The following MTHFD1L variants were observed in gnomAD, a reference collection of about 807,000 sequenced individuals.
MTHFD1L encodes the protein monofunctional C1-tetrahydrofolate synthase, mitochondrial.
A neutral mutation model predicts 119.5 loss-of-function variants in MTHFD1L; 81 were observed. That is an observed-to-expected ratio of 0.68 (90% CI 0.57 to 0.82). The LOEUF is 0.82. MTHFD1L is among the 40% of genes least tolerant of loss of function. MTHFD1L has a pLI of 0.00. For missense variants in MTHFD1L, 1,125 were observed against 1,253.4 expected (o/e 0.90, Z 1.55); for synonymous variants, 430 against 475.2 (o/e 0.90, Z 1.24).
At position 150,931,990 on chromosome 6, in the gene MTHFD1L, T is replaced by C. The variant is rs1295020952; in HGVS notation, c.1257-4814T>C. Among the ~76,000 whole-genome samples the C allele has an allele frequency of 6.6e-5, 10 of 151,396 alleles. No homozygotes were observed. The South Asian group carries it at 8.4e-4, about 13-fold the overall frequency. On this transcript the variant is annotated intron_variant, in intron 11 of 27. Transcript: ENST00000367321. Reference sequence around the variant, plus strand: ...CAGCCTGGCCAACATGGTGAAACCCTGTTTCTATTAAAAATACAAAAATTA... The same window carrying C: ...CAGCCTGGCCAACATGGTGAAACCCCGTTTCTATTAAAAATACAAAAATTA...
At chr6:150,899,901 G>A (rs1784840356) in intron 7 of MTHFD1L, among the ~76,000 whole-genome samples, 1 of 151,638 alleles carries the variant, frequency 6.6e-6, no homozygotes, top group Admixed American at 6.6e-5. Context: ...AACCCAGGAG[G>A]CAGAGGTTGC....
intron 15 of MTHFD1L, among the ~76,000 whole-genome samples, chr6:150,945,870 C>A (rs1049380213): frequency 2.6e-5 from 4 of 152,122 alleles, no homozygotes; most frequent in Non-Finnish European, 5.9e-5. Flanking sequence ...CACATACATA[C>A]CTGTAGTCCG....
intron 18 of MTHFD1L, 125 bp from the exon 19 acceptor site, chr6:150,964,844 C>T: frequency 1.3e-6 from 1 of 740,740 alleles, no homozygotes; most frequent in Non-Finnish European, 2.4e-6. Context: ...AGCACTGTCC[C>T]CTGTGGCCCA....
chr6:151,055,975 A>G (rs991466391), intron 26 of MTHFD1L: 2 of 152,326 alleles, frequency 1.3e-5, no homozygotes, highest in Non-Finnish European at 2.9e-5. Flanking sequence ...TTAAAAGTTT[A>G]GTAAATTTTA....
chr6:150,893,508 T>C (rs1015840632), intron 7 of MTHFD1L, among the ~76,000 whole-genome samples: 5 of 152,236 alleles, frequency 3.3e-5, no homozygotes, highest in African/African-American at 9.6e-5. Context: ...GGCTACTAAG[T>C]AGAAGGACGT....
At chr6:151,018,617 T>G (rs1205267320) in intron 24 of MTHFD1L, among the ~76,000 whole-genome samples, 2 of 152,156 alleles carry the variant, frequency 1.3e-5, no homozygotes, top group Non-Finnish European at 2.9e-5. Context: ...GTTGAGGTCA[T>G]CACCCTGCTC....
At chr6:150,924,019 C>G (rs1013890539) in intron 10 of MTHFD1L, among the ~76,000 whole-genome samples, 2 of 152,070 alleles carry the variant, frequency 1.3e-5, no homozygotes, top group Non-Finnish European at 2.9e-5. Flanking sequence ...ATAGATTCCA[C>G]CAAATTGTGT....
chr6:150,879,264 G>A (rs1026423973), intron 4 of MTHFD1L, among the ~76,000 whole-genome samples: 7 of 152,090 alleles, frequency 4.6e-5, no homozygotes, highest in African/African-American at 1.7e-4. Context: ...TCATTTGCAC[G>A]ATACCCACTG....
Position 150,944,509 on chromosome 6 carries a change from C to T in MTHFD1L, c.1464C>T (p.Asp488=). 6.2e-7 allele frequency: 1 copy of T among 1,613,714 alleles called. No homozygotes were observed. The highest frequency in any genetic ancestry group is 8.5e-7 in the Non-Finnish European group (1 of 1,179,764). ...AGTTCAACCTTCACTTGACTGGAGA[C>T]ATCCACGCCATCACCGCTGCCAATA... ...MEEFNLHLTG[D]IHAITAANNL... is the part of the protein sequence containing the mutation. The change falls in exon 14 of 28, where the codon GAC becomes GAT. Residue 488 remains aspartate (D), a synonymous_variant. Coordinates refer to ENST00000367321, the MANE Select transcript of MTHFD1L (RefSeq NM_015440.5).
Position 151,065,064 on chromosome 6 carries a change from A to G in MTHFD1L, c.2848-27403A>G, listed in dbSNP as rs144620479. Among the ~76,000 whole-genome samples the G allele has an allele frequency of 1.3e-3, 202 of 152,316 alleles. 1 individual carries two copies. The highest frequency in any genetic ancestry group is 2.2e-3 in the Non-Finnish European group (151 of 68,032). On this transcript the variant is annotated intron_variant, in intron 26 of 27. Coordinates refer to ENST00000367321, the MANE Select transcript of MTHFD1L (RefSeq NM_015440.5). ...GGTGATCCACCCGCCTTGGACTCCC[A>G]AAGTGCTGGGATTACAGGTGTGAGC...
At chr6:150,924,897 C>A (rs1265713253) in intron 10 of MTHFD1L, among the ~76,000 whole-genome samples, 1 of 152,092 alleles carries the variant, frequency 6.6e-6, no homozygotes, top group African/African-American at 2.4e-5. Flanking sequence ...AAGGAAAGGT[C>A]GGATAGGTGG....
intron 26 of MTHFD1L, among the ~76,000 whole-genome samples, chr6:151,072,370 A>G (rs1792040113): frequency 6.6e-6 from 1 of 152,188 alleles, no homozygotes; most frequent in African/African-American, 2.4e-5. Context: ...AATGCTTCTC[A>G]TAATGTTACA....
intron 11 of MTHFD1L, among the ~76,000 whole-genome samples, chr6:150,929,429 C>G (rs1318331569): frequency 1.3e-5 from 2 of 152,184 alleles, no homozygotes; most frequent in Non-Finnish European, 2.9e-5. Context: ...CTTATCCAGT[C>G]CTTGTGCTTT....
chr6:151,043,081 A>G (rs533701532), intron 26 of MTHFD1L, among the ~76,000 whole-genome samples: 3 of 152,252 alleles, frequency 2.0e-5, no homozygotes, highest in African/African-American at 4.8e-5. Flanking sequence ...GAACGTTTCC[A>G]TAAGAAGTGT....
intron 24 of MTHFD1L, among the ~76,000 whole-genome samples, chr6:151,027,335 G>A (rs1227210237): frequency 6.6e-6 from 1 of 152,124 alleles, no homozygotes; most frequent in Non-Finnish European, 1.5e-5. Context: ...GGTACACAAA[G>A]TCCCTGAAGC....
rs935507004 is a variant in MTHFD1L at position 150,952,592 on chromosome 6, C to T, written c.1727-3403C>T. Among the ~76,000 whole-genome samples, 9 of 151,804 alleles carry T rather than the reference C, an allele frequency of 5.9e-5. No individual in the cohort carries two copies. In the South Asian group the frequency reaches 6.3e-4, roughly 11 times the overall value. ...TCTTGCCAGGCTGGAGTGCAGTGTGCGATCTCGGCTCACCGCAACCTCCAA... is the reference window on the plus strand; with the variant it reads ...TCTTGCCAGGCTGGAGTGCAGTGTGTGATCTCGGCTCACCGCAACCTCCAA... On this transcript the variant is annotated intron_variant, in intron 16 of 27. Transcript: ENST00000367321.
chr6:150,935,274 T>C, intron 11 of MTHFD1L: 3 of 1,611,888 alleles, frequency 1.9e-6, no homozygotes, highest in Non-Finnish European at 1.7e-6. Flanking sequence ...GTGGACTCTG[T>C]TGATGTCGAA....
At chr6:150,890,662 T>C (rs1783099383) in intron 7 of MTHFD1L, among the ~76,000 whole-genome samples, 2 of 152,122 alleles carry the variant, frequency 1.3e-5, no homozygotes, top group South Asian at 4.1e-4. Context: ...GAAGAAAGAA[T>C]TGGACTGAGG....
At chr6:150,880,080 G>A (rs375447830) in intron 4 of MTHFD1L, among the ~76,000 whole-genome samples, 2 of 152,094 alleles carry the variant, frequency 1.3e-5, no homozygotes, top group South Asian at 4.1e-4. Context: ...TCATCACCTA[G>A]AACGTTTATC....
Sources: gnomAD v4.1 joint callset for allele counts (sites outside exome capture counted in the v4.1 genomes callset) on GRCh38, gnomAD v4.1.1 for gene constraint, MANE v1.5 for transcripts, NCBI Gene and HGNC (gene_info 2026-07-23, HGNC 2026-07-21) for gene names.